PHF10: variants seen among roughly 807,000 people sequenced by gnomAD.
The protein encoded by PHF10 is BRG1-associated factor 45a.
A neutral mutation model predicts 68.5 loss-of-function variants in PHF10; 51 were observed. The observed-to-expected ratio is 0.74, with a 90% CI of 0.59 to 0.94. The LOEUF is 0.94. PHF10 is among the 40% of genes least tolerant of loss of function. PHF10 has a pLI of 0.00. For missense variants in PHF10, 460 were observed against 602.6 expected (o/e 0.76, Z 2.48); for synonymous variants, 204 against 203.5 (o/e 1.00, Z -0.02).
chr6:169,704,498 A>G (rs542444340), intron 11 of PHF10: 2 of 185,084 alleles, frequency 1.1e-5, no homozygotes, highest in East Asian at 3.3e-4. Context: ...CTCTGCTGAC[A>G]GCACTTTAAA....
At chr6:169,711,952 A>G (rs938918555) in intron 8 of PHF10, among the ~76,000 whole-genome samples, 4 of 151,624 alleles carry the variant, frequency 2.6e-5, no homozygotes, top group African/African-American at 7.2e-5. Context: ...AAAAAGTCAT[A>G]CAGGAAAACC....
intron 7 of PHF10, among the ~76,000 whole-genome samples, chr6:169,713,724 TGA>T (rs1047872496): frequency 1.3e-5 from 2 of 152,166 alleles, no homozygotes; most frequent in Admixed American, 6.5e-5. Context: ...TCAAATGGTG[TGA>T]GTTATGATAC....
At chr6:169,712,998 C>G (rs1001401345) in intron 7 of PHF10, among the ~76,000 whole-genome samples, 3 of 152,146 alleles carry the variant, frequency 2.0e-5, no homozygotes, top group Non-Finnish European at 4.4e-5. Context: ...GTGCATGGTA[C>G]ATGATATTAC....
chr6:169,714,615 CT>C lies in PHF10; in HGVS notation c.803+117del. 8.8e-6 allele frequency: 6 copies of C among 684,240 alleles called. 2 individuals are homozygous for C. In the South Asian group the frequency reaches 1.0e-4, roughly 12 times the overall value. 42.4% of individuals were successfully genotyped at this position (684,240 alleles called of 1,614,324 possible). ...CCAGAGAAGAATAGCAACACAAATCCTATACGATATCTTACGGTGATATCTA... is the reference window on the plus strand; with the variant it reads ...CCAGAGAAGAATAGCAACACAAATCCATACGATATCTTACGGTGATATCTA... On this transcript the variant is annotated intron_variant, in intron 7 of 11. Transcript: ENST00000339209.
At chr6:169,718,756 A>C (rs1276169408) in intron 3 of PHF10, 32 bp downstream of exon 3, 1 of 1,205,862 alleles carries the variant, frequency 8.3e-7, no homozygotes, top group Admixed American at 2.0e-5. Flanking sequence ...ATTACTATCA[A>C]TTATAAATTA....
At chr6:169,719,034 C>G in intron 2 of PHF10, 116 bp from the exon 3 acceptor site, 1 of 658,908 alleles carries the variant, frequency 1.5e-6, no homozygotes, top group Non-Finnish European at 2.6e-6. Flanking sequence ...CCTCCTATGA[C>G]TTGACTTCCT....
intron 4 of PHF10, chr6:169,717,599 C>T (rs535440794): frequency 2.3e-6 from 1 of 434,396 alleles, no homozygotes; most frequent in South Asian, 4.5e-5. Context: ...TGCTTTCACA[C>T]CATCATGAAG....
At chr6:169,710,582 CCTT>C (rs1487708241) in intron 8 of PHF10, among the ~76,000 whole-genome samples, 191 bp from the exon 9 acceptor site, 16 of 152,118 alleles carry the variant, frequency 1.1e-4, no homozygotes, top group Admixed American at 6.5e-5. Context: ...AATCATTCCT[CCTT>C]CTTCTAAGTA....
chr6:169,710,884 A>G (rs1395464826), intron 8 of PHF10, among the ~76,000 whole-genome samples: 1 of 152,162 alleles, frequency 6.6e-6, no homozygotes, highest in Non-Finnish European at 1.5e-5. Context: ...TGTTTTCACA[A>G]TGTTAAACTA....
rs1789273032 is a variant in PHF10 at position 169,724,348 on chromosome 6, A to AGCCCCGCCGCTCGCTCGCCTCC, written c.-418_-417insGGAGGCGAGCGAGCGGCGGGGC. On this transcript the variant is annotated 5_prime_UTR_variant, in exon 1 of 12. Transcript: ENST00000339209. ...TTCAGCCCCGCCACTCGCTCGCCTCAGCCCCGCCGCTCGCTCGCCTCAGCC... is the reference window on the plus strand; with the variant it reads ...TTCAGCCCCGCCACTCGCTCGCCTCAGCCCCGCCGCTCGCTCGCCTCCGCCCCGCCGCTCGCTCGCCTCAGCC... Among the ~76,000 whole-genome samples, 1 of 110,838 alleles carries AGCCCCGCCGCTCGCTCGCCTCC rather than the reference A, an allele frequency of 9.0e-6. No homozygotes were observed. Among genetic ancestry groups the AGCCCCGCCGCTCGCTCGCCTCC allele is most frequent in the Admixed American group, 9.0e-5 (1 of 11,068 alleles). The allele number at this position is 110,838 out of a possible 152,430, so 72.7% of individuals were successfully genotyped here.
chr6:169,709,201 T>C (rs1788873762), intron 9 of PHF10: 1 of 152,218 alleles, frequency 6.6e-6, no homozygotes, highest in Non-Finnish European at 1.5e-5. Context: ...GTGTTCTAGT[T>C]AGTTTGAGGG....
Position 169,710,263 on chromosome 6 carries a change from T to G in PHF10, c.1086A>C (p.Val362=). 6.2e-7 allele frequency: 1 copy of G among 1,612,558 alleles called. No homozygotes were observed. Among genetic ancestry groups the G allele is most frequent in the Non-Finnish European group, 8.5e-7 (1 of 1,179,572 alleles). Reference sequence around the variant, plus strand: ...TGTACCCAGGAACTGACTTGGACAGTACAGAACGTTTGGGACCATCTTTTC... The same window carrying G: ...TGTACCCAGGAACTGACTTGGACAGGACAGAACGTTTGGGACCATCTTTTC... ...TPRKDGPKRS[V]LSKSVPGYKP... The change falls in exon 9 of 12, where the codon GTA becomes GTC. Residue 362 remains valine, a synonymous_variant. Coordinates refer to ENST00000339209, the MANE Select transcript of PHF10 (RefSeq NM_018288.4).
At chr6:169,710,048 C>T in intron 9 of PHF10, 188 bp downstream of exon 9, 1 of 458,806 alleles carries the variant, frequency 2.2e-6, no homozygotes, top group East Asian at 3.3e-5. Context: ...TAAACCATAG[C>T]CAAAAGTGAC....
In PHF10 at chr6:169,711,460, T is replaced by C. The variant is rs542570416; in HGVS notation, c.957+926A>G. 2.0e-5 allele frequency among the ~76,000 whole-genome samples: 3 copies of C among 152,320 alleles called. No homozygotes were observed. The East Asian group carries it at 5.8e-4, about 29-fold the overall frequency. The stretch of plus-strand genomic sequence containing the variant: ...ATCTGATTAAATCCTTAGGATAAAT[T>C]CTACTAGTGGATTTGCTAGGTCAAA... On this transcript the variant is annotated intron_variant, in intron 8 of 11. Coordinates refer to ENST00000339209, the MANE Select transcript of PHF10 (RefSeq NM_018288.4).
intron 1 of PHF10, among the ~76,000 whole-genome samples, chr6:169,722,635 T>C (rs1463604208): frequency 6.6e-6 from 1 of 152,206 alleles, no homozygotes; most frequent in East Asian, 1.9e-4. Context: ...GGCCTTTTTC[T>C]TGAGGGAGGT....
chr6:169,722,957 A>G (rs1300480893), intron 1 of PHF10, among the ~76,000 whole-genome samples: 1 of 152,172 alleles, frequency 6.6e-6, no homozygotes, highest in East Asian at 1.9e-4. Context: ...AGTTACTTCC[A>G]TTGACGACAG....
intron 1 of PHF10, among the ~76,000 whole-genome samples, chr6:169,722,054 T>G (rs1262650491): frequency 6.6e-6 from 1 of 152,138 alleles, no homozygotes; most frequent in Non-Finnish European, 1.5e-5. Flanking sequence ...TATCCGAAAA[T>G]TTGAGACTAT....
chr6:169,712,263 T>C, intron 8 of PHF10, 123 bp downstream of exon 8: 1 of 873,866 alleles, frequency 1.1e-6, no homozygotes, highest in Non-Finnish European at 1.9e-6. Context: ...CTTTTATTGA[T>C]GAATACTTTC....
At chr6:169,722,569 A>G (rs1442169993) in intron 1 of PHF10, among the ~76,000 whole-genome samples, 1 of 152,240 alleles carries the variant, frequency 6.6e-6, no homozygotes, top group East Asian at 1.9e-4. Context: ...GTTTTAAATT[A>G]CTACTACAAA....
Sources: gnomAD v4.1 joint callset for allele counts (sites outside exome capture counted in the v4.1 genomes callset) on GRCh38, gnomAD v4.1.1 for gene constraint, MANE v1.5 for transcripts, NCBI Gene and HGNC (gene_info 2026-07-23, HGNC 2026-07-21) for gene names.